The following SPAG16 variants were observed in gnomAD, a reference collection of about 807,000 sequenced individuals.
SPAG16 encodes the protein sperm-associated antigen 16 protein.
A neutral mutation model predicts 80.4 loss-of-function variants in SPAG16; 86 were observed. The ratio of observed to expected loss-of-function variants is 1.07; its 90% CI spans 0.90 to 1.28. The LOEUF is 1.28. SPAG16 is among the 50% of genes most tolerant of loss of function. The pLI is 0.00. For missense variants in SPAG16, 870 were observed against 765.3 expected (o/e 1.14, Z -1.61); for synonymous variants, 294 against 265.9 (o/e 1.11, Z -1.03).
At chr2:213,721,699 T>C (rs1395945236) in intron 10 of SPAG16, among the ~76,000 whole-genome samples, 1 of 152,024 alleles carries the variant, frequency 6.6e-6, no homozygotes, top group Non-Finnish European at 1.5e-5. Flanking sequence ...CATGGAAAAG[T>C]ACATGTCAAA....
chr2:213,800,328 C>CTCCCTCTCTCCCTCTT (rs2071312381), intron 10 of SPAG16, among the ~76,000 whole-genome samples: 1 of 88,150 alleles, frequency 1.1e-5, no homozygotes, highest in African/African-American at 3.9e-5. Context: ...CCCTCCCTCC[C>CTCCCTCTCTCCCTCTT]TCCCTCTCTC....
At chr2:214,267,046 A>C (rs1220345293) in intron 15 of SPAG16, among the ~76,000 whole-genome samples, 1 of 151,836 alleles carries the variant, frequency 6.6e-6, no homozygotes, top group African/African-American at 2.4e-5. Flanking sequence ...AATAACTATC[A>C]AAATTCCAAT....
intron 10 of SPAG16, among the ~76,000 whole-genome samples, chr2:213,793,149 A>G (rs1002640457): frequency 1.3e-5 from 2 of 151,292 alleles, no homozygotes; most frequent in South Asian, 2.1e-4. Context: ...GCTGGTCTTG[A>G]GCTCCTGACC....
chr2:213,688,384 T>G (rs2064786217), intron 10 of SPAG16, among the ~76,000 whole-genome samples: 1 of 152,250 alleles, frequency 6.6e-6, no homozygotes, highest in South Asian at 2.1e-4. Context: ...TTAATAGAGA[T>G]TCTTTACATA....
At chr2:214,020,593 G>A (rs2047813778) in intron 13 of SPAG16, among the ~76,000 whole-genome samples, 1 of 152,028 alleles carries the variant, frequency 6.6e-6, no homozygotes, top group Non-Finnish European at 1.5e-5. Context: ...TCTATGATTG[G>A]ATTTAGCAGC....
intron 13 of SPAG16, among the ~76,000 whole-genome samples, chr2:214,022,304 A>G (rs1294378373): frequency 6.6e-6 from 1 of 152,104 alleles, no homozygotes; most frequent in Non-Finnish European, 1.5e-5. Flanking sequence ...TTGTATTTAC[A>G]TCAGACCATA....
intron 10 of SPAG16, among the ~76,000 whole-genome samples, chr2:213,780,702 A>G (rs1467166248): frequency 2.7e-5 from 4 of 150,470 alleles, no homozygotes; most frequent in African/African-American, 4.9e-5. Flanking sequence ...AGAATAATTT[A>G]TGTACTATTA....
chr2:214,175,679 T>A (rs538441528), intron 15 of SPAG16, among the ~76,000 whole-genome samples: 2 of 151,644 alleles, frequency 1.3e-5, no homozygotes, highest in South Asian at 4.2e-4. Flanking sequence ...TATATGCTTT[T>A]AAAAAATCAG....
intron 15 of SPAG16, among the ~76,000 whole-genome samples, chr2:214,188,108 C>T (rs2057538883): frequency 1.3e-5 from 2 of 152,088 alleles, no homozygotes; most frequent in Admixed American, 1.3e-4. Flanking sequence ...CTTTGCATAT[C>T]CACTTCTCCC....
chr2:213,584,212 C>A (rs2060389739), intron 10 of SPAG16, among the ~76,000 whole-genome samples: 1 of 151,508 alleles, frequency 6.6e-6, no homozygotes, highest in Non-Finnish European at 1.5e-5. Flanking sequence ...AACTAGCATG[C>A]CTGGTGGTGT....
chr2:214,040,131 T>C (rs1255019101), intron 13 of SPAG16, among the ~76,000 whole-genome samples: 1 of 152,070 alleles, frequency 6.6e-6, no homozygotes, highest in Non-Finnish European at 1.5e-5. Context: ...GCAGGAGTAA[T>C]AGGGGAAGTT....
chr2:213,812,754 G>T (rs1834774), intron 10 of SPAG16, among the ~76,000 whole-genome samples: 47,717 of 151,224 alleles, frequency 0.32, 8,716 homozygotes, highest in East Asian at 0.51. Flanking sequence ...AGCATTTTTT[G>T]TTTTATTACA....
chr2:213,502,441 C>T (rs1007032968), intron 10 of SPAG16, among the ~76,000 whole-genome samples: 6 of 152,064 alleles, frequency 3.9e-5, no homozygotes, highest in African/African-American at 1.4e-4. Flanking sequence ...CCTTTTTATA[C>T]AAGGAACCAC....
At chr2:213,652,046 A>T (rs975170398) in intron 10 of SPAG16, among the ~76,000 whole-genome samples, 4 of 152,028 alleles carry the variant, frequency 2.6e-5, no homozygotes, top group East Asian at 1.9e-4. Context: ...TGTCCCCCTT[A>T]TTTCATTAGT....
At chr2:213,373,344 C>A (rs1374716198) in intron 8 of SPAG16, among the ~76,000 whole-genome samples, 1 of 152,088 alleles carries the variant, frequency 6.6e-6, no homozygotes, top group East Asian at 1.9e-4. Context: ...CATATTTATT[C>A]TCGCTACATT....
intron 9 of SPAG16, among the ~76,000 whole-genome samples, chr2:213,455,036 G>C (rs2071918367): frequency 6.6e-6 from 1 of 151,962 alleles, no homozygotes; most frequent in African/African-American, 2.4e-5. Flanking sequence ...CTAATATAGT[G>C]GAAAAATTAT....
At chr2:214,285,718 A>G (rs1446578318) in intron 15 of SPAG16, among the ~76,000 whole-genome samples, 1 of 152,090 alleles carries the variant, frequency 6.6e-6, no homozygotes, top group Non-Finnish European at 1.5e-5. Flanking sequence ...CAGGAGAATC[A>G]CTTGAACCTG....
chr2:214,289,411 C>T (rs1335114211), intron 15 of SPAG16, among the ~76,000 whole-genome samples: 3 of 152,102 alleles, frequency 2.0e-5, no homozygotes, highest in African/African-American at 7.2e-5. Context: ...GTTAATTTTT[C>T]TATATATAGA....
chr2:213,750,386 C>A (rs958233464), intron 10 of SPAG16, among the ~76,000 whole-genome samples: 1 of 152,014 alleles, frequency 6.6e-6, no homozygotes, highest in Non-Finnish European at 1.5e-5. Context: ...TTAAAGCATA[C>A]CTTTATGTTA....
Sources: gnomAD v4.1 joint callset for allele counts (sites outside exome capture counted in the v4.1 genomes callset) on GRCh38, gnomAD v4.1.1 for gene constraint, MANE v1.5 for transcripts, NCBI Gene and HGNC (gene_info 2026-07-23, HGNC 2026-07-21) for gene names.